CRACR2A: variants seen among roughly 807,000 people sequenced by gnomAD.
CRACR2A encodes the protein calcium release activated channel regulator 2A.
Under a neutral mutation model 90.5 loss-of-function variants are expected in CRACR2A, and 79 were observed. That is an observed-to-expected ratio of 0.87 (90% CI 0.73 to 1.05). CRACR2A has a LOEUF of 1.05. CRACR2A is among the 50% of genes least tolerant of loss of function. The pLI, the probability that CRACR2A is intolerant of heterozygous loss-of-function variation, is 0.00. For synonymous variants in CRACR2A, 338 were observed against 356.7 expected, an observed-to-expected ratio of 0.95 and a Z score of 0.59; for missense variants, 823 against 897.2, an observed-to-expected ratio of 0.92 and a Z score of 1.06.
rs1352101176 is a variant in CRACR2A at position 3,617,045 on chromosome 12, CAG to C, written c.2035-17_2035-16del. 5 of 1,545,830 alleles carry C rather than the reference CAG, an allele frequency of 3.2e-6. No homozygotes were observed. The highest frequency in any genetic ancestry group is 1.4e-5 in the African/African-American group (1 of 72,906). Reference sequence around the variant, plus strand: ...AGATTGTTCTCCTAGAATCATAAAACAGAGCGAATACAAGAGTATTGGAGTGA... The same window carrying C: ...AGATTGTTCTCCTAGAATCATAAAACAGCGAATACAAGAGTATTGGAGTGA... On this transcript the variant is annotated splice_polypyrimidine_tract_variant and intron_variant, in intron 18 of 19. Transcript: ENST00000440314.
Position 3,656,349 on chromosome 12 carries a change from C to T in CRACR2A, c.820G>A (p.Glu274Lys). The T allele has an allele frequency of 1.9e-6, 3 of 1,614,132 alleles. No individual in the cohort carries two copies. The highest frequency in any genetic ancestry group is 8.5e-7 in the Non-Finnish European group (1 of 1,180,034). ...QELEQKLLCK[E>K]QELEQLTQKQ... ...TGGGTGAGCTGCTCCAGCTCCTGCT[C>T]CTTACATAACAGTTTCTGCTCCAGC... The change falls in exon 9 of 20, where the codon GAG (glutamate) becomes AAG (lysine). Residue 274 changes from glutamate (E) to lysine (K), a missense_variant. Transcript: ENST00000440314.
intron 6 of CRACR2A, among the ~76,000 whole-genome samples, chr12:3,674,281 A>C (rs1945303519): frequency 6.6e-6 from 1 of 152,178 alleles, no homozygotes; most frequent in Non-Finnish European, 1.5e-5. Context: ...GCAAGTCTGA[A>C]AGATGCGCAC....
intron 6 of CRACR2A, among the ~76,000 whole-genome samples, chr12:3,677,924 A>G (rs1945365228): frequency 1.3e-5 from 2 of 152,188 alleles, no homozygotes; most frequent in Admixed American, 1.3e-4. Flanking sequence ...TGTTTGCTGA[A>G]AAATTCACAG....
At chr12:3,691,441 CT>C (rs1457141995) in intron 4 of CRACR2A, among the ~76,000 whole-genome samples, 1 of 152,106 alleles carries the variant, frequency 6.6e-6, no homozygotes, top group Non-Finnish European at 1.5e-5. Flanking sequence ...GTTGAAGTTT[CT>C]TTTATTTATG....
intron 18 of CRACR2A, among the ~76,000 whole-genome samples, chr12:3,618,265 C>T (rs1444254156): frequency 2.0e-5 from 3 of 151,620 alleles, no homozygotes; most frequent in Non-Finnish European, 2.9e-5. Context: ...AAAGGTAATA[C>T]ATGTATATAC....
intron 1 of CRACR2A, among the ~76,000 whole-genome samples, chr12:3,747,842 A>C (rs1326251897): frequency 6.6e-6 from 1 of 152,084 alleles, no homozygotes. Flanking sequence ...CCTTTCCTCT[A>C]ACTAAGCCCA....
At chr12:3,726,736 T>A (rs908223699) in intron 2 of CRACR2A, 1 of 151,870 alleles carries the variant, frequency 6.6e-6, no homozygotes, top group East Asian at 1.9e-4. Flanking sequence ...TACGCTGTGA[T>A]ATGGGGCAGG....
chr12:3,628,210 T>C (rs964366678), intron 15 of CRACR2A, among the ~76,000 whole-genome samples: 3 of 145,174 alleles, frequency 2.1e-5, no homozygotes, highest in Middle Eastern at 3.5e-3. Flanking sequence ...TCTCTCTTCC[T>C]CTCTTCCTTC....
chr12:3,678,283 A>AGG (rs1211296027), intron 6 of CRACR2A, among the ~76,000 whole-genome samples: 1 of 152,138 alleles, frequency 6.6e-6, no homozygotes, highest in Non-Finnish European at 1.5e-5. Flanking sequence ...AAAATGGTGG[A>AGG]GGGGTAGTTA....
intron 6 of CRACR2A, among the ~76,000 whole-genome samples, chr12:3,675,384 A>G (rs1443755050): frequency 6.6e-6 from 1 of 152,096 alleles, no homozygotes; most frequent in Non-Finnish European, 1.5e-5. Flanking sequence ...TATCTCCTAC[A>G]AATTCATATG....
intron 4 of CRACR2A, among the ~76,000 whole-genome samples, chr12:3,683,029 C>T (rs747486458): frequency 3.9e-4 from 60 of 152,270 alleles, no homozygotes; most frequent in Middle Eastern, 3.4e-3. Context: ...GATCCACCTG[C>T]CTTGGCCTCG....
chr12:3,638,455 C>T lies in CRACR2A; in HGVS notation c.1272-1G>A. On this transcript the variant is annotated splice_acceptor_variant, in intron 13 of 19. Transcript: ENST00000440314. LOFTEE classifies it high-confidence loss of function. ...CACCTCCTCCTCCTCCTCTGACTGGCTACTGGGGCGGGGAAGAGAGAAGAG... is the reference window on the plus strand; with the variant it reads ...CACCTCCTCCTCCTCCTCTGACTGGTTACTGGGGCGGGGAAGAGAGAAGAG... 6.5e-7 allele frequency: 1 copy of T among 1,534,372 alleles called. No individual in the cohort carries two copies. The highest frequency in any genetic ancestry group is 8.8e-7 in the Non-Finnish European group (1 of 1,136,174).
chr12:3,695,405 A>G (rs1945721886), intron 4 of CRACR2A, among the ~76,000 whole-genome samples: 1 of 152,212 alleles, frequency 6.6e-6, no homozygotes, highest in Non-Finnish European at 1.5e-5. Flanking sequence ...AAAGAAGGGT[A>G]GGTTGGGCTC....
chr12:3,709,317 A>T (rs1945975569), intron 3 of CRACR2A, among the ~76,000 whole-genome samples: 1 of 152,276 alleles, frequency 6.6e-6, no homozygotes, highest in Non-Finnish European at 1.5e-5. Flanking sequence ...TGGTAGAGAT[A>T]ATCCAAATGA....
chr12:3,657,996 C>G (rs1044776221), intron 8 of CRACR2A, among the ~76,000 whole-genome samples: 1 of 152,176 alleles, frequency 6.6e-6, no homozygotes, highest in East Asian at 1.9e-4. Flanking sequence ...TGATCTATCT[C>G]CAGGCAAAAG....
intron 2 of CRACR2A, among the ~76,000 whole-genome samples, chr12:3,715,440 G>A (rs1331580532): frequency 6.6e-6 from 1 of 152,200 alleles, no homozygotes; most frequent in African/African-American, 2.4e-5. Flanking sequence ...TGTTTTGGAT[G>A]CCTAGAGAGC....
At chr12:3,695,005 T>C (rs1211112592) in intron 4 of CRACR2A, among the ~76,000 whole-genome samples, 1 of 152,198 alleles carries the variant, frequency 6.6e-6, no homozygotes, top group Non-Finnish European at 1.5e-5. Context: ...TCAAGTCAAA[T>C]ACAAGCGATT....
chr12:3,745,825 T>TAAAATAAAATAAGG (rs149739964), intron 1 of CRACR2A, among the ~76,000 whole-genome samples: 1 of 100,486 alleles, frequency 1.0e-5, no homozygotes, highest in Admixed American at 1.1e-4. Flanking sequence ...TAAAATAAAA[T>TAAAATAAAATAAGG]AAAGAAAGAA....
chr12:3,742,535 G>A lies in CRACR2A; in HGVS notation c.-386-9325C>T, dbSNP rs148202440. 1.3e-3 allele frequency among the ~76,000 whole-genome samples: 202 copies of A among 152,316 alleles called. 2 individuals carry two copies. The highest frequency in any genetic ancestry group is 4.7e-3 in the African/African-American group (197 of 41,556). On this transcript the variant is annotated intron_variant, in intron 1 of 19. Coordinates refer to ENST00000440314, the MANE Select transcript of CRACR2A (RefSeq NM_001144958.2). Reference sequence around the variant, plus strand: ...TCAAAAAGTCCAGAATTGAATCCTGGCTCCCTGCTGGGAGAAATCTCACTT... The same window carrying A: ...TCAAAAAGTCCAGAATTGAATCCTGACTCCCTGCTGGGAGAAATCTCACTT...
Sources: gnomAD v4.1 joint callset for allele counts (sites outside exome capture counted in the v4.1 genomes callset) on GRCh38, gnomAD v4.1.1 for gene constraint, MANE v1.5 for transcripts, NCBI Gene and HGNC (gene_info 2026-07-23, HGNC 2026-07-21) for gene names.